The following NRXN3 variants were observed in gnomAD, a reference collection of about 807,000 sequenced individuals.
The protein encoded by NRXN3 is neurexin III.
A neutral mutation model predicts 137.6 loss-of-function variants in NRXN3; 32 were observed. The observed-to-expected ratio is 0.23, with a 90% CI of 0.18 to 0.31. The LOEUF is 0.31. Among genes scored for constraint, NRXN3 ranks in the 10% least tolerant of loss-of-function variants. NRXN3 has a pLI of 1.00. For synonymous variants in NRXN3, 798 were observed against 784.5 expected, an observed-to-expected ratio of 1.02 and a Z score of -0.29; for missense variants, 1,574 against 2,062.5, an observed-to-expected ratio of 0.76 and a Z score of 4.59.
chr14:78,687,717 T>C (rs886451378), intron 6 of NRXN3, among the ~76,000 whole-genome samples: 1 of 152,162 alleles, frequency 6.6e-6, no homozygotes, highest in African/African-American at 2.4e-5. Context: ...CTGGTTGACA[T>C]TGAAAAGGGA....
chr14:78,292,105 A>G (rs1019430884), intron 3 of NRXN3, among the ~76,000 whole-genome samples: 3 of 152,206 alleles, frequency 2.0e-5, no homozygotes, highest in Non-Finnish European at 4.4e-5. Context: ...GTTCCTGAAC[A>G]TTACATCTTC....
intron 6 of NRXN3, among the ~76,000 whole-genome samples, chr14:78,690,186 A>G (rs1450211174): frequency 6.6e-6 from 1 of 152,030 alleles, no homozygotes; most frequent in East Asian, 1.9e-4. Flanking sequence ...ATTCCACTCC[A>G]ATGATCCCTC....
In NRXN3 at chr14:78,217,567, ATAT is replaced by A. The variant is rs1202699125; in HGVS notation, c.-703-24819_-703-24817del. On this transcript the variant is annotated intron_variant, in intron 1 of 20. Coordinates refer to ENST00000335750, the MANE Select transcript of NRXN3 (RefSeq NM_001330195.2). ...GATATTGACCTGCATCCTTCTAGAA[ATAT>A]TATTCATTCTTTTTCATACATTTAC... Among the ~76,000 whole-genome samples the A allele has an allele frequency of 2.6e-5, 4 of 152,340 alleles. No individual in the cohort carries two copies. The East Asian group carries it at 7.7e-4, about 29-fold the overall frequency.
chr14:78,305,607 C>T (rs2077290326), intron 4 of NRXN3, among the ~76,000 whole-genome samples: 1 of 152,174 alleles, frequency 6.6e-6, no homozygotes, highest in African/African-American at 2.4e-5. Context: ...GCTGAGCCCC[C>T]TCTTGTCCCT....
chr14:78,456,526 C>T (rs746766550), intron 4 of NRXN3, among the ~76,000 whole-genome samples: 10 of 152,214 alleles, frequency 6.6e-5, no homozygotes, highest in Non-Finnish European at 1.0e-4. Flanking sequence ...CTTTTTCTAG[C>T]GTACTATGCT....
At chr14:78,302,319 G>A (rs980913020) in intron 4 of NRXN3, among the ~76,000 whole-genome samples, 1 of 152,068 alleles carries the variant, frequency 6.6e-6, no homozygotes, top group Non-Finnish European at 1.5e-5. Flanking sequence ...ACACTTTCAT[G>A]CACCAGCCAT....
chr14:79,671,006 G>T (rs968154215), intron 17 of NRXN3, among the ~76,000 whole-genome samples: 1 of 152,120 alleles, frequency 6.6e-6, no homozygotes, highest in African/African-American at 2.4e-5. Context: ...TCCCAGAGGT[G>T]TAGGAAGTGG....
chr14:79,252,580 T>C (rs1488994263), intron 15 of NRXN3, among the ~76,000 whole-genome samples: 1 of 141,872 alleles, frequency 7.0e-6, no homozygotes, highest in Non-Finnish European at 1.5e-5. Context: ...GGGGGGGTGG[T>C]GGTGGGAGGT....
At chr14:79,582,840 A>G (rs2097729717) in intron 16 of NRXN3, among the ~76,000 whole-genome samples, 1 of 152,154 alleles carries the variant, frequency 6.6e-6, no homozygotes, top group South Asian at 2.1e-4. Context: ...ATTCAGCAAA[A>G]CTTCATTATA....
intron 15 of NRXN3, among the ~76,000 whole-genome samples, chr14:79,055,181 T>C (rs1024004847): frequency 2.0e-5 from 3 of 152,186 alleles, no homozygotes; most frequent in Non-Finnish European, 4.4e-5. Context: ...CATGACTTTT[T>C]CACCTTCTCT....
At chr14:78,720,573 C>T (rs2152865556) in intron 8 of NRXN3, among the ~76,000 whole-genome samples, 1 of 152,118 alleles carries the variant, frequency 6.6e-6, no homozygotes, top group East Asian at 1.9e-4. Flanking sequence ...TATTTTTGTC[C>T]TATGATATTC....
intron 15 of NRXN3, among the ~76,000 whole-genome samples, chr14:79,285,860 C>G (rs1265960590): frequency 1.3e-5 from 2 of 149,314 alleles, no homozygotes; most frequent in African/African-American, 2.5e-5. Context: ...GCGCTGCCCC[C>G]CACCGCCCCC....
At chr14:78,690,572 G>A (rs2098162768) in intron 6 of NRXN3, among the ~76,000 whole-genome samples, 2 of 152,116 alleles carry the variant, frequency 1.3e-5, no homozygotes, top group Admixed American at 1.3e-4. Flanking sequence ...TGTTTGTTGA[G>A]TAAACAAATA....
At chr14:78,553,647 C>T (rs547072925) in intron 4 of NRXN3, among the ~76,000 whole-genome samples, 9 of 152,320 alleles carry the variant, frequency 5.9e-5, no homozygotes, top group East Asian at 3.9e-4. Context: ...TTAATGGTAA[C>T]GAAGTTCTAA....
intron 10 of NRXN3, among the ~76,000 whole-genome samples, chr14:78,932,908 G>A (rs1490414442): frequency 6.6e-6 from 1 of 152,142 alleles, no homozygotes; most frequent in African/African-American, 2.4e-5. Flanking sequence ...CAGAGTTCTT[G>A]GAGTTGTTGA....
intron 6 of NRXN3, among the ~76,000 whole-genome samples, chr14:78,677,887 T>A (rs10141397): frequency 0.021 from 3,185 of 152,258 alleles, 118 homozygotes; most frequent in African/African-American, 0.073. Context: ...TACATCTCAC[T>A]GAAGGCTGTC....
rs956345468 is a variant in NRXN3, at chr14:79,565,005, G to A, written c.3444+97603G>A. ...AGGTGTGAGCATCATGACCTCAGGA[G>A]AACCTGGGCCAGAGAAGTCAGGAGT... On this transcript the variant is annotated intron_variant, in intron 16 of 20. Coordinates refer to ENST00000335750, the MANE Select transcript of NRXN3 (RefSeq NM_001330195.2). 2.0e-5 allele frequency among the ~76,000 whole-genome samples: 3 copies of A among 152,094 alleles called. No homozygotes were observed. The South Asian group carries it at 6.2e-4, about 31-fold the overall frequency.
intron 1 of NRXN3, among the ~76,000 whole-genome samples, chr14:78,235,022 A>ATATATG (rs1367992560): frequency 3.4e-5 from 2 of 58,084 alleles, no homozygotes; most frequent in Admixed American, 2.0e-4. Flanking sequence ...ATATATATAT[A>ATATATG]TGTGTATATA....
At chr14:78,286,643 A>G (rs1326905909) in intron 3 of NRXN3, among the ~76,000 whole-genome samples, 2 of 152,302 alleles carry the variant, frequency 1.3e-5, no homozygotes, top group East Asian at 3.9e-4. Context: ...CTGAGGATGC[A>G]CTGGGCAGGT....
Sources: gnomAD v4.1 joint callset for allele counts (sites outside exome capture counted in the v4.1 genomes callset) on GRCh38, gnomAD v4.1.1 for gene constraint, MANE v1.5 for transcripts, NCBI Gene and HGNC (gene_info 2026-07-23, HGNC 2026-07-21) for gene names.